The following LRRTM4 variants were observed in gnomAD, a reference collection of about 807,000 sequenced individuals.
LRRTM4 encodes leucine rich repeat transmembrane neuronal 4.
Under a neutral mutation model 47.6 loss-of-function variants are expected in LRRTM4, and 25 were observed. The ratio of observed to expected loss-of-function variants is 0.53; its 90% CI spans 0.38 to 0.73. The LOEUF (loss-of-function observed/expected upper bound fraction) is 0.73, where lower values mean the gene tolerates loss of function less well. Ranked by LOEUF, LRRTM4 falls within the 30% of genes least tolerant of loss-of-function variation. The pLI, the probability that LRRTM4 is intolerant of heterozygous loss-of-function variation, is 0.00. For missense variants in LRRTM4, 638 were observed against 713.4 expected (o/e 0.89, Z 1.20); for synonymous variants, 311 against 269.5 (o/e 1.15, Z -1.51).
intron 3 of LRRTM4, among the ~76,000 whole-genome samples, chr2:76,758,777 C>T (rs1017496881): frequency 2.0e-5 from 3 of 152,066 alleles, no homozygotes; most frequent in Non-Finnish European, 4.4e-5. Context: ...TCATTATTCA[C>T]ATGGTAAATA....
chr2:77,011,020 T>C (rs1677850854), intron 3 of LRRTM4, among the ~76,000 whole-genome samples: 1 of 152,108 alleles, frequency 6.6e-6, no homozygotes, highest in African/African-American at 2.4e-5. Context: ...TTAAAGGTAA[T>C]GACCAATTTT....
chr2:77,245,961 C>A (rs1215236708), intron 3 of LRRTM4, among the ~76,000 whole-genome samples: 1 of 152,172 alleles, frequency 6.6e-6, no homozygotes, highest in African/African-American at 2.4e-5. Context: ...TAGTCAATCA[C>A]ATAACATGAT....
At chr2:77,286,614 ACT>A (rs1199313683) in intron 3 of LRRTM4, among the ~76,000 whole-genome samples, 1 of 151,614 alleles carries the variant, frequency 6.6e-6, no homozygotes, top group Non-Finnish European at 1.5e-5. Context: ...AAAAAAAAAA[ACT>A]CTAGCAAAGA....
intron 3 of LRRTM4, among the ~76,000 whole-genome samples, chr2:77,223,394 A>G (rs1399820448): frequency 6.6e-6 from 1 of 152,186 alleles, no homozygotes; most frequent in African/African-American, 2.4e-5. Context: ...AAAGGCATTC[A>G]ATTAGGAAAA....
chr2:77,433,538 T>G (rs1367981142), intron 3 of LRRTM4, among the ~76,000 whole-genome samples: 1 of 152,202 alleles, frequency 6.6e-6, no homozygotes, highest in African/African-American at 2.4e-5. Flanking sequence ...CCTATAAAGT[T>G]TGCTTATTAT....
chr2:76,986,642 C>T (rs976852767), intron 3 of LRRTM4, among the ~76,000 whole-genome samples: 1 of 151,904 alleles, frequency 6.6e-6, no homozygotes, highest in African/African-American at 2.4e-5. Flanking sequence ...CTAACTGGCA[C>T]AGCTATCCTG....
At chr2:77,118,416 T>G (rs1671445223) in intron 3 of LRRTM4, among the ~76,000 whole-genome samples, 1 of 151,938 alleles carries the variant, frequency 6.6e-6, no homozygotes, top group Admixed American at 6.6e-5. Context: ...CACTAATTCA[T>G]TTTTTATTAT....
At chr2:77,253,125 A>G (rs2104018891) in intron 3 of LRRTM4, among the ~76,000 whole-genome samples, 1 of 152,266 alleles carries the variant, frequency 6.6e-6, no homozygotes. Context: ...TGCATTATTT[A>G]CTTGTCCTAA....
At chr2:76,864,237 G>C (rs1211629518) in intron 3 of LRRTM4, among the ~76,000 whole-genome samples, 2 of 152,200 alleles carry the variant, frequency 1.3e-5, no homozygotes, top group African/African-American at 4.8e-5. Context: ...ACATGGAATA[G>C]AGCAATTTCC....
intron 3 of LRRTM4, among the ~76,000 whole-genome samples, chr2:76,841,709 C>T (rs1275537302): frequency 2.1e-5 from 3 of 145,052 alleles, no homozygotes; most frequent in African/African-American, 2.5e-5. Flanking sequence ...TAAAAGAATT[C>T]AAGACAAAAT....
intron 3 of LRRTM4, among the ~76,000 whole-genome samples, chr2:76,959,764 T>C (rs1338700497): frequency 6.6e-6 from 1 of 151,642 alleles, no homozygotes; most frequent in Non-Finnish European, 1.5e-5. Context: ...ATTATAATGG[T>C]GAGTAGCAAA....
intron 2 of LRRTM4, among the ~76,000 whole-genome samples, chr2:77,520,661 A>G (rs910554468): frequency 1.3e-5 from 2 of 152,102 alleles, no homozygotes; most frequent in Non-Finnish European, 2.9e-5. Flanking sequence ...TCACTTTGCC[A>G]TTATTTTAGA....
intron 3 of LRRTM4, among the ~76,000 whole-genome samples, chr2:77,449,226 C>G (rs1233397503): frequency 6.6e-6 from 1 of 152,066 alleles, no homozygotes; most frequent in African/African-American, 2.4e-5. Context: ...ATTAAGAAAT[C>G]CAAACAACAT....
At chr2:77,438,365 A>G (rs1373425897) in intron 3 of LRRTM4, among the ~76,000 whole-genome samples, 1 of 150,916 alleles carries the variant, frequency 6.6e-6, no homozygotes, top group Non-Finnish European at 1.5e-5. Context: ...GGAATCTAAA[A>G]GCTACATTTT....
At chr2:77,271,890 C>T (rs745430755) in intron 3 of LRRTM4, among the ~76,000 whole-genome samples, 3 of 152,142 alleles carry the variant, frequency 2.0e-5, no homozygotes, top group African/African-American at 7.2e-5. Flanking sequence ...GTACTCACTC[C>T]ACAGGCACAG....
At chr2:77,049,157 T>TATATACACACACAC (rs1351971551) in intron 3 of LRRTM4, among the ~76,000 whole-genome samples, 1 of 106,374 alleles carries the variant, frequency 9.4e-6, no homozygotes, top group African/African-American at 5.1e-5. Context: ...TATATATATA[T>TATATACACACACAC]ACACACACAC....
chr2:77,233,134 A>T lies in LRRTM4; in HGVS notation c.1551+285184T>A, dbSNP rs139824542. Among the ~76,000 whole-genome samples the T allele has an allele frequency of 5.8e-3, 889 of 152,338 alleles. 2 individuals are homozygous for T. The highest frequency in any genetic ancestry group is 0.02 in the African/African-American group (838 of 41,574). On this transcript the variant is annotated intron_variant, in intron 3 of 3. Transcript: ENST00000409884. ...ACTTTTTAAGGTCACAAATCATATG[A>T]CAAATTAGTATTTCCAATTAAATCC...
At chr2:77,351,799 G>C (rs72915956) in intron 3 of LRRTM4, among the ~76,000 whole-genome samples, 2 of 151,742 alleles carry the variant, frequency 1.3e-5, no homozygotes, top group Non-Finnish European at 2.9e-5. Context: ...GGAACAAAAA[G>C]ATCACACTAT....
rs560354631 is a variant in LRRTM4, at chr2:77,166,488, G to A, written c.1551+351830C>T. ...TTCATATGGAAGCAAAAAAGAGCCC[G>A]CATTGCCAAGACAATACTAAGCCAC... On this transcript the variant is annotated intron_variant, in intron 3 of 3. Coordinates refer to ENST00000409884, the MANE Select transcript of LRRTM4 (RefSeq NM_001134745.3). 1.5e-4 allele frequency among the ~76,000 whole-genome samples: 23 copies of A among 152,238 alleles called. No individual in the cohort carries two copies. The South Asian group carries it at 3.3e-3, about 22-fold the overall frequency.
Sources: allele counts gnomAD v4.1 joint callset (sites outside exome capture counted in the v4.1 genomes callset), GRCh38; gene constraint gnomAD v4.1.1; transcripts MANE v1.5; gene names NCBI Gene and HGNC (gene_info 2026-07-23, HGNC 2026-07-21).